Variants in MYO5C observed in about 807,000 individuals in gnomAD.
MYO5C encodes myosin VC, also known as unconventional myosin-Vc.
MYO5C carries 194 observed loss-of-function variants against 235.7 expected under a neutral mutation model. The observed-to-expected ratio is 0.82, with a 90% confidence interval of 0.73 to 0.93. The LOEUF is 0.93. MYO5C is among the 40% of genes least tolerant of loss of function. The probability of loss-of-function intolerance (pLI) is 0.00; values close to 1 mark genes in which losing one functional copy is unlikely to be tolerated. For synonymous variants in MYO5C, 707 were observed against 754.8 expected (o/e 0.94, Z 1.04); for missense variants, 2,038 against 2,127.2 (o/e 0.96, Z 0.82).
chr15:52,250,214 T>C (rs367763463), intron 13 of MYO5C, among the ~76,000 whole-genome samples: 10 of 150,868 alleles, frequency 6.6e-5, no homozygotes, highest in East Asian at 3.9e-4. Flanking sequence ...GTCTAAGCAC[T>C]AAAAACTTAT....
rs768215057 is a variant in MYO5C, at chr15:52,245,428, G to C, written c.2104C>G (p.Leu702Val). Residue 702 changes from leucine to valine, a missense_variant, in exon 18 of 41, where the codon CTC (leucine) becomes GTC (valine). Coordinates refer to ENST00000261839, the MANE Select transcript of MYO5C (RefSeq NM_018728.4). ...AAGGAAAGCTCTTGCTTGGTCATGAGAATGCCGTAGCGACTGTAGAACTCG... is the reference window on the plus strand; with the variant it reads ...AAGGAAAGCTCTTGCTTGGTCATGACAATGCCGTAGCGACTGTAGAACTCG... ...YIEFYSRYGILMTKQELSFSD... is the reference protein window; with the variant it reads ...YIEFYSRYGIVMTKQELSFSD... 6.8e-6 allele frequency: 11 copies of C among 1,614,160 alleles called. No individual in the cohort carries two copies. The highest frequency in any genetic ancestry group is 9.3e-6 in the Non-Finnish European group (11 of 1,180,000).
chr15:52,206,552 G>A (rs1426852107), intron 36 of MYO5C, among the ~76,000 whole-genome samples: 11 of 152,096 alleles, frequency 7.2e-5, no homozygotes, highest in Admixed American at 2.0e-4. Flanking sequence ...AGACACCAGA[G>A]AGAGCTTGCC....
chr15:52,267,080 C>T (rs1273922891), intron 8 of MYO5C, among the ~76,000 whole-genome samples: 1 of 152,206 alleles, frequency 6.6e-6, no homozygotes, highest in Non-Finnish European at 1.5e-5. Flanking sequence ...CTCGTCTCGT[C>T]CCAGTCTTGG....
intron 18 of MYO5C, 140 bp from the exon 19 acceptor site, chr15:52,244,707 A>C (rs567994324): frequency 3.2e-6 from 2 of 628,930 alleles, no homozygotes; most frequent in East Asian, 5.5e-5. Context: ...TCACATCATG[A>C]TCTAGAAATG....
At chr15:52,242,569 T>C (rs2036251876) in intron 19 of MYO5C, 1 of 191,060 alleles carries the variant, frequency 5.2e-6, no homozygotes, top group Non-Finnish European at 1.1e-5. Flanking sequence ...CAGGAGAGAC[T>C]GCAAGCCCCC....
chr15:52,293,419 G>A (rs563153652), intron 1 of MYO5C, among the ~76,000 whole-genome samples: 22 of 152,228 alleles, frequency 1.4e-4, no homozygotes, highest in Admixed American at 7.2e-4. Flanking sequence ...CCTCGGCAGG[G>A]CCCATCCCCT....
rs2036945303 is a variant in MYO5C, at chr15:52,272,494, T to C, written c.750+86A>G. The stretch of plus-strand genomic sequence containing the variant: ...AAACCCTACTCTTCAACTCACAGCA[T>C]AGTGTAGCTTGCCTGAGTATGTATA... On this transcript the variant is annotated intron_variant, in intron 6 of 40. Coordinates refer to ENST00000261839, the MANE Select transcript of MYO5C (RefSeq NM_018728.4). The C allele has an allele frequency of 4.6e-6, 6 of 1,307,512 alleles. No homozygotes were observed. The Admixed American group carries it at 6.0e-5, about 13-fold the overall frequency. 81.0% of individuals were successfully genotyped at this position (1,307,512 alleles called of 1,614,324 possible).
At chr15:52,221,023 C>T in intron 30 of MYO5C, 139 bp downstream of exon 30, 2 of 623,176 alleles carry the variant, frequency 3.2e-6, no homozygotes, top group Non-Finnish European at 5.7e-6. Flanking sequence ...TTTCAACTAG[C>T]CCCCTTCTCA....
chr15:52,274,851 AG>A (rs2037006119), intron 5 of MYO5C, among the ~76,000 whole-genome samples: 1 of 152,234 alleles, frequency 6.6e-6, no homozygotes, highest in Admixed American at 6.5e-5. Context: ...TTGAGAAAAC[AG>A]GGAGAAGAGG....
chr15:52,283,080 T>C (rs2037193825), intron 1 of MYO5C, among the ~76,000 whole-genome samples, 188 bp from the exon 2 acceptor site: 1 of 152,128 alleles, frequency 6.6e-6, no homozygotes. Flanking sequence ...CTGCCTCAGT[T>C]TACAGGCAAC....
intron 12 of MYO5C, among the ~76,000 whole-genome samples, chr15:52,251,845 A>C (rs2036479884): frequency 6.6e-6 from 1 of 151,926 alleles, no homozygotes; most frequent in Non-Finnish European, 1.5e-5. Flanking sequence ...TTGTATTTTT[A>C]GTAGAGACGG....
intron 24 of MYO5C, 133 bp downstream of exon 24, chr15:52,232,489 A>C: frequency 1.3e-6 from 1 of 797,458 alleles, no homozygotes. Context: ...ATAAATCTCT[A>C]ATCTCACTTC....
chr15:52,285,992 G>A (rs1055107535), intron 1 of MYO5C, among the ~76,000 whole-genome samples: 3 of 151,860 alleles, frequency 2.0e-5, no homozygotes, highest in South Asian at 2.1e-4. Flanking sequence ...AGTAAGGAGC[G>A]TCTCTGCCCA....
chr15:52,236,598 C>T (rs1201379953), intron 22 of MYO5C, among the ~76,000 whole-genome samples: 2 of 152,278 alleles, frequency 1.3e-5, no homozygotes, highest in East Asian at 3.9e-4. Context: ...ATTGCTTGAA[C>T]CCGGGAGGTG....
At chr15:52,279,406 C>A (rs1596227552) in intron 3 of MYO5C, 103 bp downstream of exon 3, 1 of 1,234,568 alleles carries the variant, frequency 8.1e-7, no homozygotes, top group East Asian at 2.4e-5. Flanking sequence ...CTTTTTACAA[C>A]AAACTCTGGG....
In MYO5C at chr15:52,253,331, C is replaced by G. The variant is rs951864817; in HGVS notation, c.1522G>C (p.Asp508His). The G allele has an allele frequency of 6.2e-7, 1 of 1,607,112 alleles. No homozygotes were observed. Among genetic ancestry groups the G allele is most frequent in the African/African-American group, 1.3e-5 (1 of 74,486 alleles). Residue 508 changes from aspartate (D) to histidine (H), a missense_variant, in exon 12 of 41, where the codon GAT becomes CAT. Transcript: ENST00000261839. ...EAKMGILELL[D>H]EECLLPHGTD... Reference sequence around the variant, plus strand: ...TTAAAAGTTACCAAACATTCTTCATCCAGTAACTCCAGAATTCCCATTTTT... The same window carrying G: ...TTAAAAGTTACCAAACATTCTTCATGCAGTAACTCCAGAATTCCCATTTTT...
intron 1 of MYO5C, among the ~76,000 whole-genome samples, chr15:52,290,779 T>C (rs1331181840): frequency 6.6e-6 from 1 of 152,102 alleles, no homozygotes; most frequent in Admixed American, 6.5e-5. Context: ...ATGATCAAGA[T>C]TCAAAAGGTT....
chr15:52,260,808 T>C (rs1596204138), intron 10 of MYO5C, 54 bp downstream of exon 10: 4 of 1,573,884 alleles, frequency 2.5e-6, no homozygotes, highest in Non-Finnish European at 3.5e-6. Context: ...CTAAAAACCA[T>C]GCGGCTCTCA....
Position 52,205,093 on chromosome 15 carries a change from G to C in MYO5C, c.4592C>G (p.Thr1531Arg), listed in dbSNP as rs1046789282. The C allele has an allele frequency of 4.3e-6, 7 of 1,614,186 alleles. No homozygotes were observed. Among genetic ancestry groups the C allele is most frequent in the Non-Finnish European group, 5.9e-6 (7 of 1,180,032 alleles). ...GCTAGAGGAGCGCTTCCGGAAGCCT[G>C]TGGGCTTCAGGCCGGAAATGCCCTG... ...SLQGISGLKP[T>R]GFRKRSSSID... Residue 1531 changes from threonine (T) to arginine (R), a missense_variant, in exon 38 of 41, where the codon ACA becomes AGA. Physicochemically the swap from Thr to Arg is moderately conservative, Grantham distance 71. Coordinates refer to ENST00000261839, the MANE Select transcript of MYO5C (RefSeq NM_018728.4).
Sources: gnomAD v4.1 joint callset for allele counts (sites outside exome capture counted in the v4.1 genomes callset) on GRCh38, gnomAD v4.1.1 for gene constraint, MANE v1.5 for transcripts, NCBI Gene and HGNC (gene_info 2026-07-23, HGNC 2026-07-21) for gene names.